Variants in ZC3H18 observed in about 807,000 individuals in gnomAD.
The protein encoded by ZC3H18 is zinc finger CCCH domain-containing protein 18.
ZC3H18 carries 8 observed loss-of-function variants against 106.1 expected under a neutral mutation model. That is an observed-to-expected ratio of 0.08 (90% CI 0.04 to 0.14). The LOEUF is 0.14. Among genes scored for constraint, ZC3H18 ranks in the 10% least tolerant of loss-of-function variants. ZC3H18 has a pLI of 1.00. For synonymous variants in ZC3H18, 635 were observed against 522.1 expected (o/e 1.22, Z -2.95); for missense variants, 1,318 against 1,278.4 (o/e 1.03, Z -0.47).
intron 1 of ZC3H18, among the ~76,000 whole-genome samples, chr16:88,571,332 G>A (rs897568097): frequency 2.6e-5 from 4 of 152,240 alleles, no homozygotes; most frequent in African/African-American, 9.6e-5. Flanking sequence ...GAAAATGGAA[G>A]AAGAGAGTGT....
At chr16:88,629,601 T>G (rs1193888053) in intron 16 of ZC3H18, among the ~76,000 whole-genome samples, 1 of 152,230 alleles carries the variant, frequency 6.6e-6, no homozygotes, top group African/African-American at 2.4e-5. Flanking sequence ...CCCACATGCC[T>G]CGTGCCTTCT....
intron 6 of ZC3H18, among the ~76,000 whole-genome samples, chr16:88,606,337 G>T (rs1256653955): frequency 6.6e-6 from 1 of 152,248 alleles, no homozygotes; most frequent in Non-Finnish European, 1.5e-5. Context: ...TCTCTAGAAC[G>T]CATGCTGCGG....
intron 8 of ZC3H18, among the ~76,000 whole-genome samples, chr16:88,620,757 A>G (rs1415954612): frequency 1.3e-5 from 2 of 152,172 alleles, no homozygotes; most frequent in Non-Finnish European, 2.9e-5. Context: ...AACCTGTAAA[A>G]TGTGTATCTC....
In ZC3H18 at chr16:88,608,979, G is replaced by T; in HGVS notation, c.1134G>T (p.Arg378=). 6.2e-7 allele frequency: 1 copy of T among 1,613,976 alleles called. No homozygotes were observed. The highest frequency in any genetic ancestry group is 8.5e-7 in the Non-Finnish European group (1 of 1,179,914). Residue 378 remains arginine (R), a synonymous_variant, in exon 7 of 18, where the codon CGG becomes CGT. Coordinates refer to ENST00000301011, the MANE Select transcript of ZC3H18 (RefSeq NM_144604.4). ...ADPYYDYEIE[R]FWRGGQYENF... The stretch of plus-strand genomic sequence containing the variant: ...CTTATTATGACTATGAAATTGAGCG[G>T]TTTTGGCGTGGCGGACAGTATGAGA...
At chr16:88,574,432 C>G (rs1914610082) in intron 1 of ZC3H18, among the ~76,000 whole-genome samples, 1 of 151,898 alleles carries the variant, frequency 6.6e-6, no homozygotes, top group African/African-American at 2.4e-5. Context: ...TGGTCTTGAA[C>G]TCCTGACTTC....
At position 88,584,804 on chromosome 16, in the gene ZC3H18, A is replaced by G. The variant is rs147407218; in HGVS notation, c.604-1796A>G. ...TGCTTCTGTGAATGTTGGTGGTTACATCTTTGCAGAAACAATGCTACATCT... is the reference window on the plus strand; with the variant it reads ...TGCTTCTGTGAATGTTGGTGGTTACGTCTTTGCAGAAACAATGCTACATCT... On this transcript the variant is annotated intron_variant, in intron 2 of 17. Transcript: ENST00000301011. Among the ~76,000 whole-genome samples the G allele has an allele frequency of 1.6e-3, 240 of 152,302 alleles. 1 individual carries two copies. Among genetic ancestry groups the G allele is most frequent in the African/African-American group, 5.7e-3 (238 of 41,572 alleles).
intron 15 of ZC3H18, 57 bp from the exon 16 acceptor site, chr16:88,628,701 G>C: frequency 2.5e-6 from 4 of 1,593,956 alleles, no homozygotes; most frequent in Non-Finnish European, 3.4e-6. Flanking sequence ...TCTGGGGCGA[G>C]GACACGGCTT....
chr16:88,578,666 G>C (rs943798308), intron 2 of ZC3H18, among the ~76,000 whole-genome samples: 5 of 152,082 alleles, frequency 3.3e-5, no homozygotes, highest in Non-Finnish European at 7.4e-5. Context: ...CCAGTTAGAT[G>C]TGTAACCGCC....
intron 9 of ZC3H18, 43 bp from the exon 10 acceptor site, chr16:88,623,176 G>C (rs1906076713): frequency 6.3e-7 from 1 of 1,598,994 alleles, no homozygotes; most frequent in Non-Finnish European, 8.5e-7. Context: ...GGGCAGGGAG[G>C]GCCCTTCTCA....
Position 88,577,147 on chromosome 16 carries a change from A to ACAT in ZC3H18, c.25_26insATC (p.Glu8_Arg9insHis). The stretch of plus-strand genomic sequence containing the variant: ...CGATGGATGTGGCCGAGAGCCCTGA[A>ACAT]CGGGATCCTCACTCTCCAGAGGATG... On this transcript the variant is annotated inframe_insertion, in exon 2 of 18. Coordinates refer to ENST00000301011, the MANE Select transcript of ZC3H18 (RefSeq NM_144604.4). The ACAT allele has an allele frequency of 6.4e-7, 1 of 1,573,894 alleles. No individual in the cohort carries two copies. The highest frequency in any genetic ancestry group is 8.6e-7 in the Non-Finnish European group (1 of 1,157,302).
chr16:88,572,443 CAATT>C (rs527379416), intron 1 of ZC3H18, among the ~76,000 whole-genome samples: 6 of 151,718 alleles, frequency 4.0e-5, no homozygotes, highest in Admixed American at 2.6e-4. Context: ...GGTAGTTCCT[CAATT>C]AACGAGTTTT....
At chr16:88,583,698 C>T (rs536010994) in intron 2 of ZC3H18, among the ~76,000 whole-genome samples, 2 of 152,290 alleles carry the variant, frequency 1.3e-5, no homozygotes, top group East Asian at 1.9e-4. Context: ...CGTGGAGACC[C>T]GGCTTCAGAT....
At chr16:88,585,895 C>G (rs911575842) in intron 2 of ZC3H18, among the ~76,000 whole-genome samples, 6 of 152,054 alleles carry the variant, frequency 3.9e-5, no homozygotes, top group Admixed American at 2.0e-4. Flanking sequence ...TTGGATGGTC[C>G]TGTGTCAGGG....
Position 88,608,871 on chromosome 16 carries a change from G to A in ZC3H18, c.1089-63G>A, listed in dbSNP as rs180966065. 3.0e-5 allele frequency: 40 copies of A among 1,347,002 alleles called. No homozygotes were observed. The East Asian group carries it at 4.0e-4, about 13-fold the overall frequency. The allele number at this position is 1,347,002 out of a possible 1,614,324, so 83.4% of individuals were successfully genotyped here. On this transcript the variant is annotated intron_variant, in intron 6 of 17. Transcript: ENST00000301011. ...TGTTACTTTCTGTCCCTAATGTTTC[G>A]TGTGGTCTTTTTACGCCAGTGCTCC...
Position 88,577,307 on chromosome 16 carries a change from G to C in ZC3H18, c.184G>C (p.Glu62Gln). 6.2e-7 allele frequency: 1 copy of C among 1,612,506 alleles called. No individual in the cohort carries two copies. Among genetic ancestry groups the C allele is most frequent in the Non-Finnish European group, 8.5e-7 (1 of 1,179,200 alleles). ...ESAARGPSQE[E>Q]EDNHSDEEDR... ...TGCAGCCAGGGGGCCGAGCCAGGAG[G>C]AGGAAGATAATCACTCCGACGAGGA... Residue 62 changes from glutamate to glutamine, a missense_variant, in exon 2 of 18, where the codon GAG becomes CAG. Physicochemically the swap from Glu to Gln is conservative, Grantham distance 29 (BLOSUM62 2). Transcript: ENST00000301011.
intron 1 of ZC3H18, among the ~76,000 whole-genome samples, 196 bp downstream of exon 1, chr16:88,570,762 G>T (rs1226844277): frequency 6.6e-6 from 1 of 151,630 alleles, no homozygotes; most frequent in African/African-American, 2.4e-5. Context: ...CCCGAGTTCC[G>T]TCCGTAAGCC....
At chr16:88,581,201 T>C (rs182166639) in intron 2 of ZC3H18, among the ~76,000 whole-genome samples, 117 of 152,338 alleles carry the variant, frequency 7.7e-4, no homozygotes, top group African/African-American at 2.7e-3. Context: ...GGGGTCTCAC[T>C]ATGTTGCCCA....
chr16:88,592,723 C>G (rs147552257), intron 3 of ZC3H18, among the ~76,000 whole-genome samples: 1 of 152,158 alleles, frequency 6.6e-6, no homozygotes, highest in Admixed American at 6.5e-5. Context: ...ATGATCCGAC[C>G]GCCTTGGCCT....
At chr16:88,625,155 G>T (rs1906223101) in intron 12 of ZC3H18, 47 bp from the exon 13 acceptor site, 1 of 1,552,844 alleles carries the variant, frequency 6.4e-7, no homozygotes, top group Non-Finnish European at 8.7e-7. Context: ...GCCGCGAGGG[G>T]CTGTGGAGGC....
Sources: gnomAD v4.1 joint callset for allele counts (sites outside exome capture counted in the v4.1 genomes callset) on GRCh38, gnomAD v4.1.1 for gene constraint, MANE v1.5 for transcripts, NCBI Gene and HGNC (gene_info 2026-07-23, HGNC 2026-07-21) for gene names.